The following ZNF770 variants were observed in gnomAD, a reference collection of about 807,000 sequenced individuals.
ZNF770 encodes zinc finger protein 770.
Under a neutral mutation model 44.8 loss-of-function variants are expected in ZNF770, and 13 were observed. That is an observed-to-expected ratio of 0.29 (90% CI 0.19 to 0.46). The LOEUF (loss-of-function observed/expected upper bound fraction) is 0.46. Among genes scored for constraint, ZNF770 ranks in the 20% least tolerant of loss-of-function variants. ZNF770 has a pLI of 1.00. For synonymous variants in ZNF770, 304 were observed against 271.8 expected, an observed-to-expected ratio of 1.12 and a Z score of -1.17; for missense variants, 681 against 797.9, an observed-to-expected ratio of 0.85 and a Z score of 1.77.
In ZNF770 at chr15:34,979,690, T is replaced by C. The variant is rs770124400; in HGVS notation, c.*1669A>G. On this transcript the variant is annotated 3_prime_UTR_variant, in exon 3 of 3. Transcript: ENST00000356321. The stretch of plus-strand genomic sequence containing the variant: ...CCTCCCCCCTGTCAAAAGAAAGTTC[T>C]CAGTTTATGATGCAAAACTTACAAT... 1.1e-5 allele frequency: 5 copies of C among 448,350 alleles called. No homozygotes were observed. Among genetic ancestry groups the C allele is most frequent in the South Asian group, 7.9e-5 (5 of 62,968 alleles). The allele number at this position is 448,350 out of a possible 1,614,324, so 27.8% of individuals were successfully genotyped here.
At chr15:34,985,632 T>A (rs1213728702) in intron 2 of ZNF770, among the ~76,000 whole-genome samples, 2 of 152,168 alleles carry the variant, frequency 1.3e-5, no homozygotes, top group African/African-American at 4.8e-5. Flanking sequence ...TAGTGGCTCA[T>A]GCCTGTAATC....
Position 34,982,084 on chromosome 15 carries a change from A to G in ZNF770, c.1351T>C (p.Phe451Leu), listed in dbSNP as rs979444186. The change falls in exon 3 of 3, where the codon TTT becomes CTT. Residue 451 changes from phenylalanine (F) to leucine (L), a missense_variant. By Grantham distance (22) the Phe-to-Leu change is conservative. Transcript: ENST00000356321. ...SICGSSGEEF[F>L]NNCEVLQCGF... is the part of the protein sequence containing the mutation. The stretch of plus-strand genomic sequence containing the variant: ...CACTGAAGTACCTCACAGTTATTAA[A>G]GAATTCCTCACCTGATGAACCACAG... 1 of 1,613,908 alleles carries G rather than the reference A, an allele frequency of 6.2e-7. No homozygotes were observed. The highest frequency in any genetic ancestry group is 1.3e-5 in the African/African-American group (1 of 75,070).
Position 34,981,531 on chromosome 15 carries a change from C to T in ZNF770, c.1904G>A (p.Arg635Gln). The T allele has an allele frequency of 6.2e-7, 1 of 1,614,182 alleles. No individual in the cohort carries two copies. The highest frequency in any genetic ancestry group is 8.5e-7 in the Non-Finnish European group (1 of 1,180,032). ...GTGTCTTTCCAGTTTAGATGGAGAT[C>T]GGAAACTTTTAGCACAAACACTGCA... Reference protein sequence around the residue: ...YRCSVCAKSFRSPSKLERHYL... With the variant: ...YRCSVCAKSFQSPSKLERHYL... The change falls in exon 3 of 3, where the codon CGA becomes CAA. Residue 635 changes from arginine (R) to glutamine (Q), a missense_variant. By Grantham distance (43) the Arg-to-Gln change is conservative. This residue lies in a region of ZNF770 where 148 missense variants were observed against 191.0 expected (regional missense o/e 0.77). Coordinates refer to ENST00000356321, the MANE Select transcript of ZNF770 (RefSeq NM_014106.4).
rs909702742 is a variant in ZNF770, at chr15:34,981,286, A to G, written c.*73T>C. On this transcript the variant is annotated 3_prime_UTR_variant, in exon 3 of 3. Coordinates refer to ENST00000356321, the MANE Select transcript of ZNF770 (RefSeq NM_014106.4). ...CAGTTTAATGCAGGCCTTTCAATAA[A>G]AATGCATTTTAAATAATACAGGCTT... 83 of 1,432,032 alleles carry G rather than the reference A, an allele frequency of 5.8e-5. No homozygotes were observed. Among genetic ancestry groups the G allele is most frequent in the Non-Finnish European group, 4.4e-5 (48 of 1,086,826 alleles). 88.7% of individuals were successfully genotyped at this position (1,432,032 alleles called of 1,614,324 possible).
At position 34,982,139 on chromosome 15, in the gene ZNF770, A is replaced by C; in HGVS notation, c.1296T>G (p.Asp432Glu). ...ILTTENILSI[D>E]NSVNKKDLSI... is the part of the protein sequence containing the mutation. ...ACAAGTCTTTCTTATTCACTGAATTATCAATGCTTAATATGTTTTCTGTCG... is the reference window on the plus strand; with the variant it reads ...ACAAGTCTTTCTTATTCACTGAATTCTCAATGCTTAATATGTTTTCTGTCG... The change falls in exon 3 of 3, where the codon GAT (aspartate) becomes GAG (glutamate). Residue 432 changes from aspartate to glutamate, a missense_variant. Coordinates refer to ENST00000356321, the MANE Select transcript of ZNF770 (RefSeq NM_014106.4). 6.2e-7 allele frequency: 1 copy of C among 1,614,032 alleles called. No individual in the cohort carries two copies. Among genetic ancestry groups the C allele is most frequent in the Non-Finnish European group, 8.5e-7 (1 of 1,179,982 alleles).
intron 2 of ZNF770, among the ~76,000 whole-genome samples, chr15:34,984,022 C>A (rs2050419273): frequency 6.6e-6 from 1 of 152,008 alleles, no homozygotes; most frequent in African/African-American, 2.4e-5. Flanking sequence ...CTTCTTTAGA[C>A]CAACAAGGAC....
chr15:34,982,416 A>T lies in ZNF770; in HGVS notation c.1019T>A (p.Leu340Ter). 1.2e-6 allele frequency: 2 copies of T among 1,613,574 alleles called. No individual in the cohort carries two copies. Among genetic ancestry groups the T allele is most frequent in the Non-Finnish European group, 1.7e-6 (2 of 1,179,714 alleles). The change falls in exon 3 of 3, where the codon TTG becomes TAG. Residue 340 changes from leucine (L) to a stop codon, truncating the protein, a stop_gained. Coordinates refer to ENST00000356321, the MANE Select transcript of ZNF770 (RefSeq NM_014106.4). LOFTEE classifies it high-confidence loss of function. ...YNYKTIVKKI[L>*]AKLKRARSKK... ...ACTCCTAGCACGCTTAAGCTTGGCCAAGATTTTTTTAACAATGGTTTTATA... is the reference window on the plus strand; with the variant it reads ...ACTCCTAGCACGCTTAAGCTTGGCCTAGATTTTTTTAACAATGGTTTTATA...
Position 34,979,399 on chromosome 15 carries a change from T to G in ZNF770, c.*1960A>C, listed in dbSNP as rs1386092919. The G allele has an allele frequency of 2.2e-5, 4 of 181,634 alleles. No homozygotes were observed. The highest frequency in any genetic ancestry group is 4.7e-5 in the Non-Finnish European group (4 of 84,392). 11.3% of individuals were successfully genotyped at this position (181,634 alleles called of 1,614,324 possible). A position where few individuals can be genotyped will look rare whatever the true frequency, so the allele number is the denominator to read the frequency against. ...ACAGATGAGTTCTTGACAAGTTTTG[T>G]GTAAAGCAAATTCTGTAAACCATTA... is the stretch of plus-strand genomic sequence containing the variant. On this transcript the variant is annotated 3_prime_UTR_variant, in exon 3 of 3. Transcript: ENST00000356321.
Position 34,981,994 on chromosome 15 carries a change from C to G in ZNF770, c.1441G>C (p.Glu481Gln). Residue 481 changes from glutamate (E) to glutamine (Q), a missense_variant, in exon 3 of 3, where the codon GAG becomes CAG. This residue lies in a region of ZNF770 where 148 missense variants were observed against 191.0 expected (regional missense o/e 0.77). Coordinates refer to ENST00000356321, the MANE Select transcript of ZNF770 (RefSeq NM_014106.4). ...TTGGATATAGAAGGAAATACCTTCTCACATTTGTCACAAGGACATATCTTA... is the reference window on the plus strand; with the variant it reads ...TTGGATATAGAAGGAAATACCTTCTGACATTTGTCACAAGGACATATCTTA... The part of the protein sequence containing the change: ...RHKICPCDKC[E>Q]KVFPSISKLK... 6.2e-7 allele frequency: 1 copy of G among 1,613,730 alleles called. No homozygotes were observed. Among genetic ancestry groups the G allele is most frequent in the Non-Finnish European group, 8.5e-7 (1 of 1,179,938 alleles).
Position 34,979,920 on chromosome 15 carries a change from G to A in ZNF770, c.*1439C>T. Reference sequence around the variant, plus strand: ...TATGAAATAAGTCCTTTGTAGTAAAGAATATTTCCCAAATCATAACAGTTC... The same window carrying A: ...TATGAAATAAGTCCTTTGTAGTAAAAAATATTTCCCAAATCATAACAGTTC... On this transcript the variant is annotated 3_prime_UTR_variant, in exon 3 of 3. Coordinates refer to ENST00000356321, the MANE Select transcript of ZNF770 (RefSeq NM_014106.4). The A allele has an allele frequency of 3.7e-6, 1 of 270,472 alleles. No homozygotes were observed. Among genetic ancestry groups the A allele is most frequent in the Non-Finnish European group, 7.2e-6 (1 of 138,124 alleles). 16.8% of individuals were successfully genotyped at this position (270,472 alleles called of 1,614,324 possible). A position where few individuals can be genotyped will look rare whatever the true frequency, so the allele number is the denominator to read the frequency against.
At chr15:34,985,762 T>C (rs2050430375) in intron 2 of ZNF770, among the ~76,000 whole-genome samples, 1 of 151,938 alleles carries the variant, frequency 6.6e-6, no homozygotes, top group South Asian at 2.1e-4. Context: ...AGTGTGGTGG[T>C]ACATGCCTGT....
intron 1 of ZNF770, 115 bp downstream of exon 1, chr15:34,988,001 C>G (rs766645457): frequency 6.6e-6 from 1 of 152,330 alleles, no homozygotes; most frequent in Admixed American, 6.5e-5. Context: ...CCCTCTACGC[C>G]TTCCTCTCAA....
At position 34,981,233 on chromosome 15, in the gene ZNF770, A is replaced by G; in HGVS notation, c.*126T>C. The G allele has an allele frequency of 2.1e-6, 2 of 944,318 alleles. No individual in the cohort carries two copies. The highest frequency in any genetic ancestry group is 2.6e-5 in the East Asian group (1 of 37,894). 58.5% of individuals were successfully genotyped at this position (944,318 alleles called of 1,614,324 possible). A position where few individuals can be genotyped will look rare whatever the true frequency, so the allele number is the denominator to read the frequency against. On this transcript the variant is annotated 3_prime_UTR_variant, in exon 3 of 3. Transcript: ENST00000356321. ...TATGTATTCTACCTCCTTACTATGC[A>G]GGACAAGCAAATGCCTGTGAAACCA...
Position 34,981,524 on chromosome 15 carries a change from T to C in ZNF770, c.1911A>G (p.Pro637=), listed in dbSNP as rs754372882. 21 of 1,614,114 alleles carry C rather than the reference T, an allele frequency of 1.3e-5. No individual in the cohort carries two copies. Among genetic ancestry groups the C allele is most frequent in the African/African-American group, 5.3e-5 (4 of 74,944 alleles). ...TTAGGTAGTGTCTTTCCAGTTTAGATGGAGATCGGAAACTTTTAGCACAAA... is the reference window on the plus strand; with the variant it reads ...TTAGGTAGTGTCTTTCCAGTTTAGACGGAGATCGGAAACTTTTAGCACAAA... ...CSVCAKSFRS[P]SKLERHYLIH... The change falls in exon 3 of 3, where the codon CCA becomes CCG. Residue 637 remains proline, a synonymous_variant. Transcript: ENST00000356321.
In ZNF770 at chr15:34,981,049, G is replaced by A. The variant is rs2050398427; in HGVS notation, c.*310C>T. The stretch of plus-strand genomic sequence containing the variant: ...TTAAGGAATAATTCCTTTAAAAAAT[G>A]AATGAGGCTAAATTATTTGTACAGC... On this transcript the variant is annotated 3_prime_UTR_variant, in exon 3 of 3. Coordinates refer to ENST00000356321, the MANE Select transcript of ZNF770 (RefSeq NM_014106.4). 1 of 260,508 alleles carries A rather than the reference G, an allele frequency of 3.8e-6. No individual in the cohort carries two copies. The highest frequency in any genetic ancestry group is 2.3e-5 in the African/African-American group (1 of 44,292). 16.1% of individuals were successfully genotyped at this position (260,508 alleles called of 1,614,324 possible). A position where few individuals can be genotyped will look rare whatever the true frequency, so the allele number is the denominator to read the frequency against.
Position 34,979,650 on chromosome 15 carries a change from C to T in ZNF770, c.*1709G>A, listed in dbSNP as rs548314782. 1.3e-5 allele frequency: 6 copies of T among 450,146 alleles called. No individual in the cohort carries two copies. The highest frequency in any genetic ancestry group is 2.2e-5 in the Non-Finnish European group (5 of 224,716). 27.9% of individuals were successfully genotyped at this position (450,146 alleles called of 1,614,324 possible). On this transcript the variant is annotated 3_prime_UTR_variant, in exon 3 of 3. Transcript: ENST00000356321. ...AAAGAAGCAAGCAGATCACCCCCAC[C>T]TACTATCCCTCCCGCCTCCCCCCTG...
Position 34,982,448 on chromosome 15 carries a change from G to A in ZNF770, c.987C>T (p.Ser329=), listed in dbSNP as rs918002654. The A allele has an allele frequency of 2.2e-5, 35 of 1,613,886 alleles. No individual in the cohort carries two copies. Among genetic ancestry groups the A allele is most frequent in the Non-Finnish European group, 2.9e-5 (34 of 1,179,934 alleles). ...TTTTAACAATGGTTTTATAGTTGTA[G>A]CTTCTTTTGAACCTGCTTGGAATTT... ...SGKIPSRFKR[S]YNYKTIVKKI... Residue 329 remains serine, a synonymous_variant, in exon 3 of 3, where the codon AGC becomes AGT. Coordinates refer to ENST00000356321, the MANE Select transcript of ZNF770 (RefSeq NM_014106.4).
rs573191481 is a variant in ZNF770 at position 34,978,682 on chromosome 15, TG to T, written c.*2676del. The T allele has an allele frequency of 2.7e-3, 411 of 149,974 alleles. 4 individuals are homozygous for T. Among genetic ancestry groups the T allele is most frequent in the African/African-American group, 9.8e-3 (398 of 40,492 alleles). 9.3% of individuals were successfully genotyped at this position (149,974 alleles called of 1,614,324 possible). A position where few individuals can be genotyped will look rare whatever the true frequency, so the allele number is the denominator to read the frequency against. On this transcript the variant is annotated 3_prime_UTR_variant, in exon 3 of 3. Transcript: ENST00000356321. ...TATCTAATGTTTAATCTTCTTAACA[TG>T]TATATTTTCATTCCTATAAAGTTTC...
rs149749434 is a variant in ZNF770, at chr15:34,981,573, T to C, written c.1862A>G (p.Asp621Gly). The change falls in exon 3 of 3, where the codon GAT becomes GGT. Residue 621 changes from aspartate to glycine, a missense_variant. By Grantham distance (94) the Asp-to-Gly change is moderately conservative. Coordinates refer to ENST00000356321, the MANE Select transcript of ZNF770 (RefSeq NM_014106.4). ...CSYSEHQEKN[D>G]VFLYRCSVCA... is the part of the protein sequence containing the mutation. The stretch of plus-strand genomic sequence containing the variant: ...AACACTGCATCGGTACAGGAAGACA[T>C]CATTTTTCTCCTGATGCTCTGAATA... The C allele has an allele frequency of 2.5e-6, 4 of 1,614,166 alleles. No homozygotes were observed. Among genetic ancestry groups the C allele is most frequent in the East Asian group, 4.5e-5 (2 of 44,874 alleles).
Sources: allele counts gnomAD v4.1 joint callset (sites outside exome capture counted in the v4.1 genomes callset), GRCh38; gene constraint gnomAD v4.1.1; regional missense constraint gnomAD v4.1.1; transcripts MANE v1.5; gene names NCBI Gene and HGNC (gene_info 2026-07-23, HGNC 2026-07-21).